Variants in CADPS2 observed in about 807,000 individuals in gnomAD.
CADPS2 encodes the protein calcium-dependent secretion activator 2.
CADPS2 carries 93 observed loss-of-function variants against 172.5 expected under a neutral mutation model. The ratio of observed to expected loss-of-function variants is 0.54; its 90% CI spans 0.46 to 0.64. The LOEUF (loss-of-function observed/expected upper bound fraction) is 0.64. Among genes scored for constraint, CADPS2 ranks in the 30% least tolerant of loss-of-function variants. CADPS2 has a pLI of 0.00. For missense variants in CADPS2, 1,420 were observed against 1,565.9 expected (o/e 0.91, Z 1.57); for synonymous variants, 546 against 555.2 (o/e 0.98, Z 0.23).
chr7:122,410,546 T>C (rs1180182528), intron 19 of CADPS2, among the ~76,000 whole-genome samples: 1 of 151,608 alleles, frequency 6.6e-6, no homozygotes, highest in Admixed American at 6.6e-5. Context: ...TTAGTGATGA[T>C]ACTTGAGTGA....
intron 2 of CADPS2, among the ~76,000 whole-genome samples, chr7:122,666,155 A>T (rs1426245970): frequency 6.6e-6 from 1 of 152,194 alleles, no homozygotes; most frequent in African/African-American, 2.4e-5. Context: ...GTATTTACAC[A>T]TATGACCTTA....
intron 8 of CADPS2, among the ~76,000 whole-genome samples, chr7:122,522,999 T>C (rs2060931571): frequency 6.6e-6 from 1 of 152,216 alleles, no homozygotes; most frequent in Admixed American, 6.6e-5. Context: ...ATTTCATATG[T>C]TGGCTACTGA....
At chr7:122,351,178 A>C (rs1585188311) in intron 27 of CADPS2, among the ~76,000 whole-genome samples, 1 of 151,442 alleles carries the variant, frequency 6.6e-6, no homozygotes, top group African/African-American at 2.4e-5. Flanking sequence ...CATCCTGGCT[A>C]ACACGGTGTG....
chr7:122,721,989 C>T (rs193122863), intron 2 of CADPS2, among the ~76,000 whole-genome samples: 70 of 152,254 alleles, frequency 4.6e-4, no homozygotes, highest in Admixed American at 3.2e-3. Context: ...CAAAATTCAA[C>T]AACCCTTCAT....
At chr7:122,411,230 T>G (rs2047271993) in intron 19 of CADPS2, among the ~76,000 whole-genome samples, 1 of 151,728 alleles carries the variant, frequency 6.6e-6, no homozygotes, top group Admixed American at 6.6e-5. Flanking sequence ...TTACTTTTTT[T>G]TTTTTTTTGA....
intron 19 of CADPS2, among the ~76,000 whole-genome samples, chr7:122,410,443 CTTTT>C (rs5887087): frequency 7.2e-6 from 1 of 138,328 alleles, no homozygotes. Flanking sequence ...CTTGGAAAGC[CTTTT>C]TTTTTTTTTT....
intron 1 of CADPS2, among the ~76,000 whole-genome samples, chr7:122,760,620 T>G (rs936204901): frequency 1.1e-4 from 17 of 151,880 alleles, no homozygotes; most frequent in Non-Finnish European, 2.1e-4. Context: ...CACCATGGAA[T>G]ACTATGCAGC....
intron 6 of CADPS2, among the ~76,000 whole-genome samples, chr7:122,614,707 G>A (rs747697055): frequency 1.5e-4 from 23 of 152,074 alleles, no homozygotes; most frequent in Admixed American, 1.0e-3. Context: ...AATATCGTGC[G>A]GTAGTCGTAC....
At chr7:122,436,970 A>G (rs2050718441) in intron 17 of CADPS2, among the ~76,000 whole-genome samples, 1 of 152,242 alleles carries the variant, frequency 6.6e-6, no homozygotes, top group South Asian at 2.1e-4. Context: ...GGTAGAGTAC[A>G]TAACATTTAC....
intron 28 of CADPS2, among the ~76,000 whole-genome samples, chr7:122,345,025 C>G (rs2037351887): frequency 6.6e-6 from 1 of 152,052 alleles, no homozygotes; most frequent in African/African-American, 2.4e-5. Flanking sequence ...AGACAAAAAA[C>G]TGAAGATATT....
chr7:122,325,505 T>C lies in CADPS2; in HGVS notation c.3689A>G (p.Gln1230Arg). ...CACAATCTTGATGAGCGTCTTCAGC[T>C]GGTAAATATGGAGTTGGAGGTCTAA... is the stretch of plus-strand genomic sequence containing the variant. ...DRLDLQLHIYQLKTLIKIVKK... is the reference protein window; with the variant it reads ...DRLDLQLHIYRLKTLIKIVKK... Residue 1230 changes from glutamine to arginine, a missense_variant, in exon 29 of 30, where the codon CAG becomes CGG. Physicochemically the swap from Gln to Arg is conservative, Grantham distance 43. Coordinates refer to ENST00000449022, the MANE Select transcript of CADPS2 (RefSeq NM_017954.11). The C allele has an allele frequency of 6.2e-7, 1 of 1,610,534 alleles. No homozygotes were observed. Among genetic ancestry groups the C allele is most frequent in the South Asian group, 1.1e-5 (1 of 90,296 alleles).
chr7:122,865,029 T>C (rs1817925915), intron 1 of CADPS2, among the ~76,000 whole-genome samples: 1 of 152,084 alleles, frequency 6.6e-6, no homozygotes, highest in East Asian at 1.9e-4. Context: ...ATGGGAGGTG[T>C]TTGGGTGATG....
chr7:122,799,939 C>G (rs1325224464), intron 1 of CADPS2, among the ~76,000 whole-genome samples: 1 of 152,136 alleles, frequency 6.6e-6, no homozygotes, highest in Non-Finnish European at 1.5e-5. Flanking sequence ...CACTTACAAG[C>G]TATGTGACTG....
chr7:122,413,928 A>C, intron 19 of CADPS2, 140 bp downstream of exon 19: 1 of 697,382 alleles, frequency 1.4e-6, no homozygotes, highest in Non-Finnish European at 2.4e-6. Context: ...TAGCACATTC[A>C]AAGAAAAACA....
chr7:122,547,222 G>A (rs899790739), intron 8 of CADPS2, among the ~76,000 whole-genome samples: 1 of 152,038 alleles, frequency 6.6e-6, no homozygotes, highest in African/African-American at 2.4e-5. Context: ...GATGGTCTAA[G>A]AATAAATGTT....
chr7:122,740,271 T>C (rs992672635), intron 1 of CADPS2, among the ~76,000 whole-genome samples: 6 of 152,206 alleles, frequency 3.9e-5, no homozygotes, highest in African/African-American at 1.4e-4. Context: ...CACAAATACC[T>C]GTACACAAAT....
chr7:122,481,676 C>T (rs2057321585), intron 11 of CADPS2, among the ~76,000 whole-genome samples: 1 of 151,494 alleles, frequency 6.6e-6, no homozygotes, highest in African/African-American at 2.4e-5. Flanking sequence ...TCAGTCCTGC[C>T]TTGACAATAA....
intron 1 of CADPS2, among the ~76,000 whole-genome samples, chr7:122,815,309 TCTGGCAAGAAA>T (rs1197292795): frequency 6.6e-6 from 1 of 152,194 alleles, no homozygotes; most frequent in Admixed American, 6.5e-5. Context: ...CTAATTTGCT[TCTGGCAAGAAA>T]TGTGCCTAGG....
chr7:122,711,813 C>T lies in CADPS2; in HGVS notation c.453+25142G>A, dbSNP rs188019213. On this transcript the variant is annotated intron_variant, in intron 2 of 29. Coordinates refer to ENST00000449022, the MANE Select transcript of CADPS2 (RefSeq NM_017954.11). ...GATTACAGGCACGTGCCACCACACC[C>T]GGCTAATTTTTGTATTTTTAGTAGA... Among the ~76,000 whole-genome samples, 544 of 151,994 alleles carry T rather than the reference C, an allele frequency of 3.6e-3. 3 individuals are homozygous for T. The highest frequency in any genetic ancestry group is 0.012 in the African/African-American group (490 of 41,486).
Sources: allele counts gnomAD v4.1 joint callset (sites outside exome capture counted in the v4.1 genomes callset), GRCh38; gene constraint gnomAD v4.1.1; transcripts MANE v1.5; gene names NCBI Gene and HGNC (gene_info 2026-07-23, HGNC 2026-07-21).